COG6: variants seen among roughly 807,000 people sequenced by gnomAD.
The protein encoded by COG6 is component of oligomeric golgi complex 6.
A neutral mutation model predicts 88.8 loss-of-function variants in COG6; 74 were observed. The observed-to-expected ratio is 0.83, with a 90% CI of 0.69 to 1.01. COG6 has a LOEUF of 1.01. Among genes scored for constraint, COG6 ranks in the 50% least tolerant of loss-of-function variants. The pLI is 0.00. For synonymous variants in COG6, 286 were observed against 278.7 expected (o/e 1.03, Z -0.26); for missense variants, 800 against 797.9 (o/e 1.00, Z -0.03).
chr13:39,655,775 GC>G lies in COG6; in HGVS notation c.51del (p.Asn18ThrfsTer37), dbSNP rs1874432325. The G allele has an allele frequency of 1.3e-6, 2 of 1,595,158 alleles. No homozygotes were observed. Among genetic ancestry groups the G allele is most frequent in the Non-Finnish European group, 1.7e-6 (2 of 1,171,128 alleles). On this transcript the variant is annotated frameshift_variant, in exon 1 of 19. Transcript: ENST00000455146. LOFTEE classifies it high-confidence loss of function. Reference protein sequence around the residue: ...EVVAVSATGAANGLNNGAGGT... With the variant: ...EVVAVSATGAXNGLNNGAGGT... ...GGTCGCAGTGTCTGCGACCGGGGCT[GC>G]CAACGGCCTCAACAATGGGGCAGGC...
In COG6 at chr13:39,657,923, A is replaced by G. The variant is rs1015738104; in HGVS notation, c.154-1441A>G. On this transcript the variant is annotated intron_variant, in intron 1 of 18. Transcript: ENST00000455146. ...ATTAGTTGTCTATACTATACCTCCA[A>G]TTGGATACTGATTGACGTCATAGAA... Among the ~76,000 whole-genome samples the G allele has an allele frequency of 5.9e-5, 9 of 152,144 alleles. No homozygotes were observed. In the East Asian group the frequency reaches 1.2e-3, roughly 20 times the overall value.
At chr13:39,697,579 T>G (rs548896599) in intron 12 of COG6, among the ~76,000 whole-genome samples, 1 of 152,112 alleles carries the variant, frequency 6.6e-6, no homozygotes, top group African/African-American at 2.4e-5. Context: ...ATCACTATTT[T>G]GGATCCAAGC....
chr13:39,715,147 G>A (rs1221961696), intron 13 of COG6, among the ~76,000 whole-genome samples: 2 of 151,646 alleles, frequency 1.3e-5, no homozygotes, highest in Non-Finnish European at 2.9e-5. Flanking sequence ...CTCAGACTTC[G>A]CCACAGTACA....
rs1378842759 is a variant in COG6 at position 39,680,157 on chromosome 13, A to T, written c.694+112A>T. ...TGATTTTAGTAATCAAACATTTTTT[A>T]AAAATAAAAATAGTATTTGTATTTG... is the stretch of plus-strand genomic sequence containing the variant. On this transcript the variant is annotated intron_variant, in intron 7 of 18. Coordinates refer to ENST00000455146, the MANE Select transcript of COG6 (RefSeq NM_020751.3). 1.8e-5 allele frequency: 12 copies of T among 654,670 alleles called. No homozygotes were observed. In the East Asian group the frequency reaches 3.1e-4, roughly 17 times the overall value. 40.6% of individuals were successfully genotyped at this position (654,670 alleles called of 1,614,324 possible).
At chr13:39,780,409 T>C (rs1270245250) in intron 18 of COG6, among the ~76,000 whole-genome samples, 3 of 152,190 alleles carry the variant, frequency 2.0e-5, no homozygotes, top group Admixed American at 6.5e-5. Flanking sequence ...AGCTGACCCT[T>C]CCCTGAAAGA....
At chr13:39,791,613 TG>T (rs1881940639) in exon 19 of COG6, 1 of 152,146 alleles carries the variant, frequency 6.6e-6, no homozygotes, top group Admixed American at 6.5e-5. Context: ...TATACAAAAC[TG>T]CTGAATAAAA....
intron 3 of COG6, among the ~76,000 whole-genome samples, chr13:39,664,382 T>C (rs1399366647): frequency 6.6e-6 from 1 of 152,242 alleles, no homozygotes; most frequent in Admixed American, 6.5e-5. Context: ...TCTCTTCTTA[T>C]TGTTTATTGC....
intron 13 of COG6, among the ~76,000 whole-genome samples, chr13:39,707,776 A>G (rs1001425919): frequency 1.3e-5 from 2 of 152,190 alleles, no homozygotes; most frequent in Admixed American, 1.3e-4. Context: ...TATTCACCAC[A>G]ATTTACTCAT....
intron 18 of COG6, among the ~76,000 whole-genome samples, chr13:39,757,962 C>G (rs1365266901): frequency 1.3e-5 from 2 of 152,164 alleles, no homozygotes; most frequent in Non-Finnish European, 2.9e-5. Context: ...TGGCTCATGC[C>G]TGTAATCCCA....
Position 39,719,681 on chromosome 13 carries a change from C to G in COG6, c.1438C>G (p.Pro480Ala), listed in dbSNP as rs1300171380. ...FVQVLSCVLD[P>A]LLQMCTVSAS... ...GTAGGTTTTATCATGTGTCTTGGATCCTCTCCTACAGATGTGTACTGTATC... is the reference window on the plus strand; with the variant it reads ...GTAGGTTTTATCATGTGTCTTGGATGCTCTCCTACAGATGTGTACTGTATC... The change falls in exon 15 of 19, where the codon CCT becomes GCT. Residue 480 changes from proline to alanine, a missense_variant. Pro to Ala is a conservative substitution (Grantham distance 27). Transcript: ENST00000455146. 3 of 1,612,446 alleles carry G rather than the reference C, an allele frequency of 1.9e-6. No homozygotes were observed. The highest frequency in any genetic ancestry group is 3.3e-5 in the Admixed American group (2 of 59,892).
At chr13:39,681,908 A>G (rs1002415372) in intron 7 of COG6, among the ~76,000 whole-genome samples, 3 of 152,120 alleles carry the variant, frequency 2.0e-5, no homozygotes, top group East Asian at 3.9e-4. Context: ...TCAGGACTCT[A>G]TAGTGTTTTA....
chr13:39,757,212 A>G (rs2138158417), downstream of COG6, among the ~76,000 whole-genome samples: 1 of 152,338 alleles, frequency 6.6e-6, no homozygotes, highest in Non-Finnish European at 1.5e-5. Flanking sequence ...TGGAAATTAA[A>G]CAAGATGCTC....
Position 39,724,580 on chromosome 13 carries a change from A to G in COG6, c.1746+19A>G, listed in dbSNP as rs1329491899. The G allele has an allele frequency of 1.9e-6, 3 of 1,560,118 alleles. No individual in the cohort carries two copies. The highest frequency in any genetic ancestry group is 1.1e-5 in the South Asian group (1 of 89,506). Reference sequence around the variant, plus strand: ...TGCAATGGTAAGTGTATAATAAAACATTTTAATTTAGATTTCCTTATGGAT... The same window carrying G: ...TGCAATGGTAAGTGTATAATAAAACGTTTTAATTTAGATTTCCTTATGGAT... On this transcript the variant is annotated intron_variant, in intron 17 of 18. Coordinates refer to ENST00000455146, the MANE Select transcript of COG6 (RefSeq NM_020751.3).
In COG6 at chr13:39,687,811, A is replaced by G. The variant is rs751464343; in HGVS notation, c.1009+12A>G. ...TGTAACTACACAAGGTGGGTCCACC[A>G]ATTGTATTGCTAATGCCTAAATATA... On this transcript the variant is annotated intron_variant, in intron 10 of 18. Transcript: ENST00000455146. 3 of 1,558,586 alleles carry G rather than the reference A, an allele frequency of 1.9e-6. No individual in the cohort carries two copies. Among genetic ancestry groups the G allele is most frequent in the Non-Finnish European group, 1.8e-6 (2 of 1,130,222 alleles).
chr13:39,740,472 A>C (rs557352249), intron 18 of COG6, among the ~76,000 whole-genome samples: 1 of 152,324 alleles, frequency 6.6e-6, no homozygotes, highest in African/African-American at 2.4e-5. Flanking sequence ...AGAAAGACTA[A>C]GTAATTGAAT....
At chr13:39,729,428 A>C (rs1412305244) in intron 18 of COG6, among the ~76,000 whole-genome samples, 2 of 152,266 alleles carry the variant, frequency 1.3e-5, no homozygotes, top group East Asian at 3.8e-4. Flanking sequence ...AGGTTTTTAC[A>C]GAAAAAGATA....
intron 18 of COG6, among the ~76,000 whole-genome samples, chr13:39,773,846 A>G (rs539766552): frequency 6.6e-6 from 1 of 150,530 alleles, no homozygotes; most frequent in African/African-American, 2.4e-5. Flanking sequence ...TGGAAATGGA[A>G]ATTACAAACC....
intron 5 of COG6, 53 bp downstream of exon 5, chr13:39,677,632 G>T: frequency 7.6e-6 from 8 of 1,052,952 alleles, no homozygotes; most frequent in Non-Finnish European, 9.9e-6. Flanking sequence ...ACAGATATTA[G>T]AGAGAAATTG....
At chr13:39,744,142 ATATCATACTG>A (rs1438757476) in intron 18 of COG6, among the ~76,000 whole-genome samples, 1 of 152,202 alleles carries the variant, frequency 6.6e-6, no homozygotes, top group Non-Finnish European at 1.5e-5. Context: ...CCCACAGCCA[ATATCATACTG>A]AACAGGCAAA....
Sources: allele counts gnomAD v4.1 joint callset (sites outside exome capture counted in the v4.1 genomes callset), GRCh38; gene constraint gnomAD v4.1.1; transcripts MANE v1.5; gene names NCBI Gene and HGNC (gene_info 2026-07-23, HGNC 2026-07-21).